Variants in ADGRA3 observed in about 807,000 individuals in gnomAD.
ADGRA3 encodes the protein adhesion G protein-coupled receptor A3.
Under a neutral mutation model 119.8 loss-of-function variants are expected in ADGRA3, and 56 were observed. The observed-to-expected ratio is 0.47, with a 90% CI of 0.38 to 0.58. The LOEUF is 0.58. Among genes scored for constraint, ADGRA3 ranks in the 20% least tolerant of loss-of-function variants. ADGRA3 has a pLI of 0.00. For missense variants in ADGRA3, 1,516 were observed against 1,649.0 expected, an observed-to-expected ratio of 0.92 and a Z score of 1.40; for synonymous variants, 607 against 623.8, an observed-to-expected ratio of 0.97 and a Z score of 0.40.
intron 16 of ADGRA3, 144 bp downstream of exon 16, chr4:22,401,285 GCA>G: frequency 3.1e-6 from 2 of 636,098 alleles, no homozygotes; most frequent in East Asian, 6.0e-5. Context: ...AAGTAAACTG[GCA>G]GATTGTTTAA....
In ADGRA3 at chr4:22,387,881, CT is replaced by C. The variant is rs778863401; in HGVS notation, c.3789del (p.Asp1264MetfsTer3). On this transcript the variant is annotated frameshift_variant, in exon 19 of 19. Transcript: ENST00000334304. LOFTEE classifies it high-confidence loss of function. ...ACCACAGCTGGCTTCCTTAACGCAT[CT>C]TTTTTACTAGTGGTTGAAACTGGCT... ...FEKPVSTTSK[K>X]DALRKPAVVE... 3.1e-6 allele frequency: 5 copies of C among 1,614,124 alleles called. No individual in the cohort carries two copies. Among genetic ancestry groups the C allele is most frequent in the South Asian group, 2.2e-5 (2 of 91,082 alleles).
chr4:22,461,792 G>T lies in ADGRA3; in HGVS notation c.346C>A (p.Leu116Ile), dbSNP rs917865116. 6.2e-7 allele frequency: 1 copy of T among 1,603,482 alleles called. No individual in the cohort carries two copies. The highest frequency in any genetic ancestry group is 1.1e-5 in the South Asian group (1 of 89,640). Residue 116 changes from leucine (L) to isoleucine (I), a missense_variant, in exon 3 of 19, where the codon CTT (leucine) becomes ATT (isoleucine). This residue lies in a region of ADGRA3 where 428 missense variants were observed against 541.9 expected (regional missense o/e 0.79). Coordinates refer to ENST00000334304, the MANE Select transcript of ADGRA3 (RefSeq NM_145290.4). ...GCACCTGGATCTATACTACTAATAA[G>T]ATTGTTTCGGAGGTCCCTGTTAAAA... ...LLERLDLRNN[L>I]ISSIDPGAFW...
intron 1 of ADGRA3, among the ~76,000 whole-genome samples, chr4:22,478,554 G>A (rs566907366): frequency 7.2e-5 from 11 of 152,282 alleles, no homozygotes; most frequent in African/African-American, 2.4e-4. Context: ...AATCAAATAG[G>A]GTTATTGTGG....
chr4:22,419,636 C>A (rs2323521), intron 12 of ADGRA3, among the ~76,000 whole-genome samples: 49,546 of 151,954 alleles, frequency 0.33, 9,249 homozygotes, highest in African/African-American at 0.52. Context: ...CCCTTTCTAC[C>A]AACTGTGATC....
intron 10 of ADGRA3, among the ~76,000 whole-genome samples, chr4:22,428,860 A>G (rs898588394): frequency 1.3e-5 from 2 of 152,196 alleles, no homozygotes; most frequent in Admixed American, 6.5e-5. Flanking sequence ...TCTGACTGCA[A>G]TCATCATCAG....
chr4:22,441,714 C>T (rs1055835038), intron 7 of ADGRA3, among the ~76,000 whole-genome samples: 32 of 151,924 alleles, frequency 2.1e-4, no homozygotes, highest in African/African-American at 7.5e-4. Context: ...AGAAAAGCAG[C>T]CAGTAGCAAT....
intron 1 of ADGRA3, among the ~76,000 whole-genome samples, chr4:22,475,403 G>C (rs1412185153): frequency 1.3e-5 from 2 of 152,184 alleles, no homozygotes; most frequent in Non-Finnish European, 2.9e-5. Context: ...TCACTCCCAA[G>C]TGGGAGTTAA....
chr4:22,424,097 C>A, intron 11 of ADGRA3, 94 bp downstream of exon 11: 1 of 931,314 alleles, frequency 1.1e-6, no homozygotes, highest in Non-Finnish European at 1.5e-6. Flanking sequence ...AGAAGATATC[C>A]ACCCCATAAT....
rs1281842218 is a variant in ADGRA3, at chr4:22,447,607, ATGT to A, written c.474-99_474-97del. On this transcript the variant is annotated intron_variant, in intron 4 of 18. Coordinates refer to ENST00000334304, the MANE Select transcript of ADGRA3 (RefSeq NM_145290.4). The stretch of plus-strand genomic sequence containing the variant: ...TAAAGCATCCTACAGTCATTAAATA[ATGT>A]TGTAAAGAACTCATGAAAGTTTCAA... The A allele has an allele frequency of 2.0e-5, 14 of 708,136 alleles. No individual in the cohort carries two copies. In the East Asian group the frequency reaches 3.2e-4, roughly 16 times the overall value. 43.9% of individuals were successfully genotyped at this position (708,136 alleles called of 1,614,324 possible). A position where few individuals can be genotyped will look rare whatever the true frequency, so the allele number is the denominator to read the frequency against.
chr4:22,435,228 A>C, intron 10 of ADGRA3, 83 bp downstream of exon 10: 1 of 1,109,538 alleles, frequency 9.0e-7, no homozygotes, highest in East Asian at 2.4e-5. Context: ...AAACATAAAC[A>C]GGCCTTAAAA....
intron 12 of ADGRA3, chr4:22,414,635 C>T: frequency 2.9e-6 from 2 of 695,498 alleles, no homozygotes; most frequent in Non-Finnish European, 2.6e-6. Context: ...TCATGTTATT[C>T]CAGTTTAAAT....
chr4:22,394,227 A>C (rs1473288901), intron 16 of ADGRA3: 1 of 152,186 alleles, frequency 6.6e-6, no homozygotes, highest in Non-Finnish European at 1.5e-5. Context: ...TCCAGAGTTT[A>C]TTTTAATGAG....
At chr4:22,458,252 GA>G (rs1394671597) in intron 3 of ADGRA3, among the ~76,000 whole-genome samples, 6 of 152,150 alleles carry the variant, frequency 3.9e-5, no homozygotes, top group Non-Finnish European at 7.4e-5. Flanking sequence ...AGCACAGACA[GA>G]AGCACAAAGA....
chr4:22,514,583 AG>A (rs1167460568), intron 1 of ADGRA3: 1 of 152,132 alleles, frequency 6.6e-6, no homozygotes, highest in Admixed American at 6.5e-5. Context: ...TTCTTTTTTT[AG>A]GAAACCAACC....
At chr4:22,512,116 G>A (rs780850617) in intron 1 of ADGRA3, among the ~76,000 whole-genome samples, 31 of 151,776 alleles carry the variant, frequency 2.0e-4, no homozygotes, top group Non-Finnish European at 3.8e-4. Context: ...GGTCAGGCTG[G>A]TCTCGAACTC....
At chr4:22,392,336 A>G (rs980546287) in intron 17 of ADGRA3, among the ~76,000 whole-genome samples, 5 of 152,152 alleles carry the variant, frequency 3.3e-5, no homozygotes, top group African/African-American at 1.2e-4. Context: ...CCCACTTTTG[A>G]GATGATCTTG....
chr4:22,425,214 G>A (rs78048701), intron 10 of ADGRA3, among the ~76,000 whole-genome samples: 2,405 of 152,148 alleles, frequency 0.016, 68 homozygotes, highest in African/African-American at 0.055. Flanking sequence ...CCTTGCACAC[G>A]TGGTTTCCTA....
chr4:22,445,557 T>C (rs1289056161), intron 5 of ADGRA3, among the ~76,000 whole-genome samples: 1 of 152,198 alleles, frequency 6.6e-6, no homozygotes, highest in Non-Finnish European at 1.5e-5. Flanking sequence ...ATTCTTGGCC[T>C]AAATGCCTAC....
At position 22,442,669 on chromosome 4, in the gene ADGRA3, T is replaced by C; in HGVS notation, c.901A>G (p.Asn301Asp). ...GTTTACCTTGCAATCAAGGAGCAGT[T>C]GTGAATCATGTTCTTTTCAACAAAA... Reference protein sequence around the residue: ...GIFVEKNMIHNCSLIASALTI... With the variant: ...GIFVEKNMIHDCSLIASALTI... Residue 301 changes from asparagine to aspartate, a missense_variant, in exon 7 of 19, where the codon AAC (asparagine) becomes GAC (aspartate). By Grantham distance (23) the Asn-to-Asp change is conservative (BLOSUM62 1). Around this residue, in one of 2 missense-constraint regions of ADGRA3, gnomAD observed 428 missense variants for 541.9 expected, o/e 0.79. Transcript: ENST00000334304. 1 of 1,613,128 alleles carries C rather than the reference T, an allele frequency of 6.2e-7. No homozygotes were observed. The highest frequency in any genetic ancestry group is 2.2e-5 in the East Asian group (1 of 44,844).
Sources: allele counts gnomAD v4.1 joint callset (sites outside exome capture counted in the v4.1 genomes callset), GRCh38; gene constraint gnomAD v4.1.1; regional missense constraint gnomAD v4.1.1; transcripts MANE v1.5; gene names NCBI Gene and HGNC (gene_info 2026-07-23, HGNC 2026-07-21).